The following UNC13C variants were observed in gnomAD, a reference collection of about 807,000 sequenced individuals.
UNC13C encodes the protein unc-13 homolog C, also known as protein unc-13 homolog C.
A neutral mutation model predicts 245.4 loss-of-function variants in UNC13C; 174 were observed. The observed-to-expected ratio is 0.71, with a 90% CI of 0.63 to 0.80. The LOEUF is 0.80. Among genes scored for constraint, UNC13C ranks in the 30% least tolerant of loss-of-function variants. The probability of loss-of-function intolerance (pLI) is 0.00; values close to 1 mark genes in which losing one functional copy is unlikely to be tolerated. For missense variants in UNC13C, 2,829 were observed against 2,602.9 expected (o/e 1.09, Z -1.89); for synonymous variants, 992 against 895.1 (o/e 1.11, Z -1.93).
intron 30 of UNC13C, among the ~76,000 whole-genome samples, chr15:54,607,875 C>T (rs1209673251): frequency 2.0e-5 from 3 of 152,200 alleles, no homozygotes; most frequent in African/African-American, 7.2e-5. Context: ...CCTCCCCCAA[C>T]ACTGGGGATT....
chr15:54,032,649 T>G (rs1024746078), intron 2 of UNC13C, among the ~76,000 whole-genome samples: 4 of 152,206 alleles, frequency 2.6e-5, no homozygotes, highest in Admixed American at 2.6e-4. Context: ...AGGCCAATCC[T>G]GTCACTTAAA....
intron 19 of UNC13C, among the ~76,000 whole-genome samples, chr15:54,434,036 G>A (rs997993321): frequency 1.3e-5 from 2 of 151,916 alleles, no homozygotes; most frequent in Non-Finnish European, 2.9e-5. Context: ...GGACATGAAG[G>A]ACCTCTTCAA....
At chr15:53,923,090 A>G in the UNC13C span, among the ~76,000 whole-genome samples, 3 of 152,202 alleles carry the variant, frequency 2.0e-5, no homozygotes, top group Non-Finnish European at 4.4e-5. Context: ...TGTTAATTTC[A>G]AGAGGAATAA....
intron 30 of UNC13C, among the ~76,000 whole-genome samples, chr15:54,579,910 A>C (rs1471373907): frequency 6.6e-6 from 1 of 152,230 alleles, no homozygotes; most frequent in Non-Finnish European, 1.5e-5. Context: ...AGGTATTTTG[A>C]AAATTGTGTA....
rs562860549 is a variant in UNC13C, at chr15:54,451,860, A to G, written c.4933+36793A>G. 4.6e-5 allele frequency among the ~76,000 whole-genome samples: 7 copies of G among 152,094 alleles called. No homozygotes were observed. In the South Asian group the frequency reaches 6.2e-4, roughly 14 times the overall value. ...ATGTTTCTTGTGTCCTTATCTTGGTATCTGTGCACCTGATATAACAGTTGC... is the reference window on the plus strand; with the variant it reads ...ATGTTTCTTGTGTCCTTATCTTGGTGTCTGTGCACCTGATATAACAGTTGC... On this transcript the variant is annotated intron_variant, in intron 19 of 32. Transcript: ENST00000260323.
chr15:54,211,065 A>G (rs1483424187), intron 4 of UNC13C, among the ~76,000 whole-genome samples: 1 of 152,148 alleles, frequency 6.6e-6, no homozygotes, highest in Non-Finnish European at 1.5e-5. Context: ...ACTCTATAGC[A>G]CTTAGTAGGC....
At chr15:54,395,532 A>G (rs2040052221) in intron 18 of UNC13C, among the ~76,000 whole-genome samples, 1 of 151,926 alleles carries the variant, frequency 6.6e-6, no homozygotes. Flanking sequence ...TCTTATGGTC[A>G]CTAACAATGA....
intron 30 of UNC13C, among the ~76,000 whole-genome samples, chr15:54,572,332 T>G (rs946439215): frequency 6.6e-6 from 1 of 152,058 alleles, no homozygotes; most frequent in Non-Finnish European, 1.5e-5. Context: ...ATGAGTATTA[T>G]CTGGGAAAAA....
intron 18 of UNC13C, among the ~76,000 whole-genome samples, chr15:54,407,748 G>C (rs542133782): frequency 3.8e-4 from 58 of 152,094 alleles, no homozygotes; most frequent in African/African-American, 1.3e-3. Context: ...AGTAGATCTT[G>C]AGATTTAAAT....
intron 30 of UNC13C, among the ~76,000 whole-genome samples, chr15:54,591,244 C>G (rs1176859654): frequency 6.6e-6 from 1 of 152,034 alleles, no homozygotes; most frequent in East Asian, 1.9e-4. Context: ...GGATATAGGT[C>G]TGTAGTTTTC....
Position 54,365,348 on chromosome 15 carries a change from GT to G in UNC13C, c.4713+26860del, listed in dbSNP as rs1316505328. Among the ~76,000 whole-genome samples the G allele has an allele frequency of 2.0e-5, 3 of 152,072 alleles. No individual in the cohort carries two copies. The East Asian group carries it at 5.8e-4, about 29-fold the overall frequency. On this transcript the variant is annotated intron_variant, in intron 17 of 32. Coordinates refer to ENST00000260323, the MANE Select transcript of UNC13C (RefSeq NM_001080534.3). Reference sequence around the variant, plus strand: ...GGTGTTTCTCTGATTATTGCACAAGGTCCCTGAATTTAAAGTAGTTTTCCTC... The same window carrying G: ...GGTGTTTCTCTGATTATTGCACAAGGCCCTGAATTTAAAGTAGTTTTCCTC...
At chr15:54,057,374 A>G (rs992586699) in intron 2 of UNC13C, among the ~76,000 whole-genome samples, 2 of 151,466 alleles carry the variant, frequency 1.3e-5, no homozygotes, top group African/African-American at 2.4e-5. Flanking sequence ...AGGCCATTAC[A>G]TAATGGTAAA....
At chr15:54,551,020 A>C (rs577415048) in intron 28 of UNC13C, among the ~76,000 whole-genome samples, 2 of 152,208 alleles carry the variant, frequency 1.3e-5, no homozygotes, top group East Asian at 1.9e-4. Flanking sequence ...GAACTATTTC[A>C]TTTTCAAGTG....
At position 54,459,766 on chromosome 15, in the gene UNC13C, G is replaced by A. The variant is rs149497670; in HGVS notation, c.4934-34842G>A. ...GTTGTGCTCGTCTTTTCTTTATGAT[G>A]TCTATTTATCTGGAGACTTTTGCAT... is the stretch of plus-strand genomic sequence containing the variant. On this transcript the variant is annotated intron_variant, in intron 19 of 32. Coordinates refer to ENST00000260323, the MANE Select transcript of UNC13C (RefSeq NM_001080534.3). 6.2e-3 allele frequency among the ~76,000 whole-genome samples: 940 copies of A among 151,236 alleles called. 9 individuals carry two copies. The highest frequency in any genetic ancestry group is 0.022 in the African/African-American group (907 of 41,310).
At chr15:54,176,518 A>G (rs1159691708) in intron 4 of UNC13C, among the ~76,000 whole-genome samples, 1 of 152,130 alleles carries the variant, frequency 6.6e-6, no homozygotes, top group African/African-American at 2.4e-5. Context: ...ATTTCTACAT[A>G]TATTACACAA....
chr15:54,310,196 A>G (rs1464359947), intron 13 of UNC13C, among the ~76,000 whole-genome samples: 2 of 151,538 alleles, frequency 1.3e-5, no homozygotes, highest in African/African-American at 2.4e-5. Context: ...TCCTATTTCC[A>G]CCCTGAGAAT....
the UNC13C span, among the ~76,000 whole-genome samples, chr15:53,889,112 A>T: frequency 6.6e-6 from 1 of 152,032 alleles, no homozygotes; most frequent in Non-Finnish European, 1.5e-5. Context: ...CTTGATGGGG[A>T]TAGCATTGAA....
intron 25 of UNC13C, among the ~76,000 whole-genome samples, chr15:54,532,550 C>T (rs1257855497): frequency 3.9e-5 from 6 of 152,188 alleles, no homozygotes; most frequent in East Asian, 1.9e-4. Context: ...AGTTGGAGGC[C>T]GTTATCATTA....
At chr15:54,278,549 T>C (rs1433545536) in intron 10 of UNC13C, among the ~76,000 whole-genome samples, 4 of 152,178 alleles carry the variant, frequency 2.6e-5, no homozygotes, top group African/African-American at 9.6e-5. Context: ...TCCTCAACTT[T>C]GTCGTTAAGC....
Sources: gnomAD v4.1 joint callset for allele counts (sites outside exome capture counted in the v4.1 genomes callset) on GRCh38, gnomAD v4.1.1 for gene constraint, MANE v1.5 for transcripts, NCBI Gene and HGNC (gene_info 2026-07-23, HGNC 2026-07-21) for gene names.